Variants in MAP4K5 observed in about 807,000 individuals in gnomAD.
MAP4K5 encodes mitogen-activated protein kinase kinase kinase kinase 5.
A neutral mutation model predicts 135.6 loss-of-function variants in MAP4K5; 82 were observed. That is an observed-to-expected ratio of 0.60 (90% CI 0.51 to 0.73). The LOEUF (loss-of-function observed/expected upper bound fraction) is 0.73, where lower values mean the gene tolerates loss of function less well. MAP4K5 is among the 30% of genes least tolerant of loss of function. The pLI, the probability that MAP4K5 is intolerant of heterozygous loss-of-function variation, is 0.00. For missense variants in MAP4K5, 907 were observed against 1,010.9 expected, an observed-to-expected ratio of 0.90 and a Z score of 1.39; for synonymous variants, 347 against 335.0, an observed-to-expected ratio of 1.04 and a Z score of -0.39.
intron 23 of MAP4K5, among the ~76,000 whole-genome samples, chr14:50,439,514 ACT>A (rs1408508963): frequency 6.6e-6 from 1 of 151,852 alleles, no homozygotes; most frequent in East Asian, 1.9e-4. Context: ...TCTGTATAAG[ACT>A]CTACAGTTTA....
intron 2 of MAP4K5, among the ~76,000 whole-genome samples, chr14:50,506,559 T>C (rs1173300562): frequency 1.3e-5 from 2 of 152,164 alleles, no homozygotes; most frequent in Non-Finnish European, 1.5e-5. Context: ...GGTTTCGCCA[T>C]GTTGCCCAGG....
At chr14:50,473,061 C>T (rs1392633115) in intron 9 of MAP4K5, among the ~76,000 whole-genome samples, 2 of 151,958 alleles carry the variant, frequency 1.3e-5, no homozygotes, top group Non-Finnish European at 1.5e-5. Flanking sequence ...TAAATGAATT[C>T]GATACGTAGT....
At chr14:50,487,621 C>T (rs79540772) in intron 3 of MAP4K5, among the ~76,000 whole-genome samples, 4,183 of 152,186 alleles carry the variant, frequency 0.027, 79 homozygotes, top group East Asian at 0.068. Flanking sequence ...CTACTTGTTA[C>T]AATTGAAAAT....
chr14:50,500,027 G>A (rs2883893), intron 3 of MAP4K5, among the ~76,000 whole-genome samples: 16,286 of 152,214 alleles, frequency 0.11, 1,547 homozygotes, highest in East Asian at 0.51. Flanking sequence ...GGAGAAGAAC[G>A]TGTGATGCAA....
chr14:50,461,659 G>A (rs139691052), intron 13 of MAP4K5, among the ~76,000 whole-genome samples: 3 of 152,128 alleles, frequency 2.0e-5, no homozygotes, highest in South Asian at 2.1e-4. Flanking sequence ...GGTGGCTCAC[G>A]CCTGTAATCC....
At chr14:50,427,288 C>T (rs2035868570) in intron 30 of MAP4K5, among the ~76,000 whole-genome samples, 1 of 152,168 alleles carries the variant, frequency 6.6e-6, no homozygotes, top group Admixed American at 6.5e-5. Context: ...GAATCTCTCT[C>T]AAAAATGTTA....
At chr14:50,506,972 TAG>T (rs1003833163) in intron 2 of MAP4K5, among the ~76,000 whole-genome samples, 8 of 152,180 alleles carry the variant, frequency 5.3e-5, no homozygotes, top group African/African-American at 1.7e-4. Flanking sequence ...TATGTGCACG[TAG>T]ATTTAGCCTG....
Position 50,442,892 on chromosome 14 carries a change from T to C in MAP4K5, c.1480-76A>G, listed in dbSNP as rs370160883. 1,500 of 804,154 alleles carry C rather than the reference T, an allele frequency of 1.9e-3. 31 individuals are homozygous for C. In the South Asian group the frequency reaches 0.025, roughly 13 times the overall value. The allele number at this position is 804,154 out of a possible 1,614,324, so 49.8% of individuals were successfully genotyped here. A position where few individuals can be genotyped will look rare whatever the true frequency, so the allele number is the denominator to read the frequency against. On this transcript the variant is annotated intron_variant, in intron 20 of 32. Transcript: ENST00000682126. ...TATTCTTGGAAAATAACTAACATCATTGAAATACCAAATTAACTCTTATTT... is the reference window on the plus strand; with the variant it reads ...TATTCTTGGAAAATAACTAACATCACTGAAATACCAAATTAACTCTTATTT...
At chr14:50,493,767 C>A (rs561262896) in intron 3 of MAP4K5, among the ~76,000 whole-genome samples, 2 of 152,004 alleles carry the variant, frequency 1.3e-5, no homozygotes, top group African/African-American at 4.8e-5. Flanking sequence ...ACGGGCAGAT[C>A]GCCTGAGGTC....
chr14:50,539,507 G>C (rs2038535010), intron 2 of MAP4K5, among the ~76,000 whole-genome samples: 1 of 152,202 alleles, frequency 6.6e-6, no homozygotes, highest in African/African-American at 2.4e-5. Flanking sequence ...GACTATAAAG[G>C]CTTTGGAGTT....
intron 21 of MAP4K5, 66 bp from the exon 22 acceptor site, chr14:50,440,507 G>T: frequency 1.2e-6 from 1 of 811,468 alleles, no homozygotes; most frequent in South Asian, 1.8e-5. Flanking sequence ...CTAAAATAAT[G>T]ACTTTACATT....
At chr14:50,458,052 C>G (rs2036629478) in intron 13 of MAP4K5, among the ~76,000 whole-genome samples, 1 of 152,198 alleles carries the variant, frequency 6.6e-6, no homozygotes, top group Non-Finnish European at 1.5e-5. Context: ...TGAGCTCCGA[C>G]TTTGCCCACA....
chr14:50,506,739 A>C (rs2037817940), intron 2 of MAP4K5, among the ~76,000 whole-genome samples: 1 of 152,196 alleles, frequency 6.6e-6, no homozygotes, highest in Non-Finnish European at 1.5e-5. Context: ...ATAGGGTAAG[A>C]AGGTGTCTCA....
chr14:50,545,515 G>A (rs867079545), intron 1 of MAP4K5, among the ~76,000 whole-genome samples: 11 of 152,232 alleles, frequency 7.2e-5, no homozygotes, highest in African/African-American at 2.6e-4. Flanking sequence ...TTGAGTACAG[G>A]GATGCTTAGA....
chr14:50,486,113 C>T lies in MAP4K5; in HGVS notation c.248G>A (p.Ser83Asn). 1.5e-6 allele frequency: 2 copies of T among 1,315,442 alleles called. No homozygotes were observed. The highest frequency in any genetic ancestry group is 2.1e-6 in the Non-Finnish European group (2 of 945,928). 81.5% of individuals were successfully genotyped at this position (1,315,442 alleles called of 1,614,324 possible). Residue 83 changes from serine (S) to asparagine (N), a missense_variant, in exon 4 of 33, where the codon AGT (serine) becomes AAT (asparagine). Coordinates refer to ENST00000682126, the MANE Select transcript of MAP4K5 (RefSeq NM_006575.6). ...CTTTTTTTTCTCTTACCTAAGATAA[C>T]TCCCAAAGTAGGCAACGATGTTACA... ...KHCNIVAYFG[S>N]YLSREKLWIC...
chr14:50,475,862 T>C (rs955879152), intron 8 of MAP4K5, among the ~76,000 whole-genome samples: 3 of 152,248 alleles, frequency 2.0e-5, no homozygotes, highest in African/African-American at 7.2e-5. Context: ...AGTTTTTCTA[T>C]TGCTAGACTT....
At position 50,466,636 on chromosome 14, in the gene MAP4K5, G is replaced by T; in HGVS notation, c.684C>A (p.Phe228Leu). The change falls in exon 11 of 33, where the codon TTC (phenylalanine) becomes TTA (leucine). Residue 228 changes from phenylalanine to leucine, a missense_variant. Coordinates refer to ENST00000682126, the MANE Select transcript of MAP4K5 (RefSeq NM_006575.6). ...MFDLHPMRAL[F>L]LMSKSNFQPP... ...GCTGAAAATTACTTTTTGACATTAA[G>T]AAGAGAGCCCTGAAATAAAAATTAT... 1 of 1,430,258 alleles carries T rather than the reference G, an allele frequency of 7.0e-7. No homozygotes were observed. The highest frequency in any genetic ancestry group is 2.0e-4 in the Middle Eastern group (1 of 5,058). The allele number at this position is 1,430,258 out of a possible 1,614,324, so 88.6% of individuals were successfully genotyped here.
At chr14:50,482,533 C>T in intron 5 of MAP4K5, 117 bp from the exon 6 acceptor site, 2 of 632,870 alleles carry the variant, frequency 3.2e-6, no homozygotes, top group South Asian at 1.9e-5. Flanking sequence ...AATCCCAGCA[C>T]TTTGGGAGGC....
At chr14:50,426,709 G>A (rs1159287963) in intron 30 of MAP4K5, among the ~76,000 whole-genome samples, 3 of 152,222 alleles carry the variant, frequency 2.0e-5, no homozygotes, top group African/African-American at 7.2e-5. Context: ...GGGCGACAGA[G>A]CGAGACTCCG....
Sources: allele counts gnomAD v4.1 joint callset (sites outside exome capture counted in the v4.1 genomes callset), GRCh38; gene constraint gnomAD v4.1.1; transcripts MANE v1.5; gene names NCBI Gene and HGNC (gene_info 2026-07-23, HGNC 2026-07-21).